The following PCDH17 variants were observed in gnomAD, a reference collection of about 807,000 sequenced individuals.
PCDH17 encodes the protein protocadherin 17, also known as protocadherin-17.
A neutral mutation model predicts 67.7 loss-of-function variants in PCDH17; 21 were observed. The observed-to-expected ratio is 0.31, with a 90% CI of 0.22 to 0.45. The LOEUF is 0.45. Ranked by LOEUF, PCDH17 falls within the 20% of genes least tolerant of loss-of-function variation. PCDH17 has a pLI of 1.00. For synonymous variants in PCDH17, 701 were observed against 656.7 expected, an observed-to-expected ratio of 1.07 and a Z score of -1.03; for missense variants, 1,471 against 1,564.8, an observed-to-expected ratio of 0.94 and a Z score of 1.01.
At chr13:57,691,524 C>T (rs1233851855) in intron 3 of PCDH17, among the ~76,000 whole-genome samples, 2 of 151,108 alleles carry the variant, frequency 1.3e-5, no homozygotes, top group Non-Finnish European at 3.0e-5. Flanking sequence ...AAGTATTATT[C>T]TATTTGCCTC....
At chr13:57,669,363 C>G (rs973195486) in intron 3 of PCDH17, among the ~76,000 whole-genome samples, 1 of 151,964 alleles carries the variant, frequency 6.6e-6, no homozygotes, top group Non-Finnish European at 1.5e-5. Flanking sequence ...CTCTCTCTCT[C>G]TATTTCTCCC....
At chr13:57,654,110 C>G (rs1955075473) in intron 1 of PCDH17, among the ~76,000 whole-genome samples, 1 of 152,130 alleles carries the variant, frequency 6.6e-6, no homozygotes, top group Middle Eastern at 3.4e-3. Context: ...CAGGAATGTG[C>G]AGAGTAAAAA....
chr13:57,667,993 A>G (rs1955276198), intron 3 of PCDH17, among the ~76,000 whole-genome samples: 2 of 151,278 alleles, frequency 1.3e-5, no homozygotes, highest in Admixed American at 1.3e-4. Flanking sequence ...TGACCTCAGA[A>G]AAAGCTGTTT....
chr13:57,718,276 G>A (rs1955840412), intron 3 of PCDH17, among the ~76,000 whole-genome samples: 1 of 151,694 alleles, frequency 6.6e-6, no homozygotes. Context: ...CTTGGAAGTA[G>A]GAAAAAAATT....
At position 57,716,374 on chromosome 13, in the gene PCDH17, CAA is replaced by C. The variant is rs914282578; in HGVS notation, c.2798-8237_2798-8236del. Among the ~76,000 whole-genome samples the C allele has an allele frequency of 1.5e-4, 23 of 152,024 alleles. 1 individual carries two copies. The highest frequency in any genetic ancestry group is 5.3e-4 in the African/African-American group (22 of 41,508). On this transcript the variant is annotated intron_variant, in intron 3 of 3. Transcript: ENST00000377918. ...GCAAATTTTCTCTACATTGTTATGT[CAA>C]GTGTTGCCATTGCAGCTTAAGTCCT... is the stretch of plus-strand genomic sequence containing the variant.
At chr13:57,723,032 T>C (rs1262476038) in intron 3 of PCDH17, among the ~76,000 whole-genome samples, 2 of 152,228 alleles carry the variant, frequency 1.3e-5, no homozygotes, top group Non-Finnish European at 2.9e-5. Context: ...TAACAGTCTT[T>C]CGATTTGTAG....
rs2137972835 is a variant in PCDH17, at chr13:57,634,764, T to C, written c.2218T>C (p.Tyr740His). 6.2e-7 allele frequency: 1 copy of C among 1,613,932 alleles called. No homozygotes were observed. Among genetic ancestry groups the C allele is most frequent in the Middle Eastern group, 1.6e-4 (1 of 6,062 alleles). Residue 740 changes from tyrosine (Y) to histidine (H), a missense_variant, in exon 1 of 4, where the codon TAC becomes CAC. Transcript: ENST00000377918. The surrounding 1 kb of genome is among the most constrained non-coding windows in gnomAD (Gnocchi z 7.8). Reference sequence around the variant, plus strand: ...GCGCGAGAACAAGGAGATCCGCACTTACAACTGCCGCATCGCCGAGTACAG... The same window carrying C: ...GCGCGAGAACAAGGAGATCCGCACTCACAACTGCCGCATCGCCGAGTACAG... ...CKRENKEIRTYNCRIAEYSHP... is the reference protein window; with the variant it reads ...CKRENKEIRTHNCRIAEYSHP...
Position 57,638,561 on chromosome 13 carries a change from C to T in PCDH17, c.2565+3450C>T, listed in dbSNP as rs529941765. Among the ~76,000 whole-genome samples, 3 of 152,198 alleles carry T rather than the reference C, an allele frequency of 2.0e-5. No individual in the cohort carries two copies. In the East Asian group the frequency reaches 5.8e-4, roughly 29 times the overall value. ...AATAAATTTTGAAAAGGAATACATT[C>T]TTACTCAGTGTTTTACAAATCAATT... On this transcript the variant is annotated intron_variant, in intron 1 of 3. Coordinates refer to ENST00000377918, the MANE Select transcript of PCDH17 (RefSeq NM_001040429.3).
chr13:57,642,701 G>T (rs1009984262), intron 1 of PCDH17, among the ~76,000 whole-genome samples: 1 of 151,126 alleles, frequency 6.6e-6, no homozygotes, highest in African/African-American at 2.4e-5. Flanking sequence ...AATTTTCATG[G>T]TCTCCAATTC....
chr13:57,658,150 T>C (rs1015967735), intron 1 of PCDH17, among the ~76,000 whole-genome samples: 4 of 152,192 alleles, frequency 2.6e-5, no homozygotes, highest in Non-Finnish European at 4.4e-5. Flanking sequence ...AATTTAAGTA[T>C]TATCTATTTA....
intron 3 of PCDH17, among the ~76,000 whole-genome samples, chr13:57,718,458 G>A (rs1406329076): frequency 6.6e-6 from 1 of 151,898 alleles, no homozygotes; most frequent in African/African-American, 2.4e-5. Context: ...CAATATACAA[G>A]TAAATGGGAC....
In PCDH17 at chr13:57,728,168, C is replaced by T. The variant is rs1955928343; in HGVS notation, c.*2874C>T. ...GAATTGAGGAAATCTCGCTTTTATT[C>T]ATTTAGCTGGCAACTGCCTTTATTG... On this transcript the variant is annotated 3_prime_UTR_variant, in exon 4 of 4. Coordinates refer to ENST00000377918, the MANE Select transcript of PCDH17 (RefSeq NM_001040429.3). 1 of 152,546 alleles carries T rather than the reference C, an allele frequency of 6.6e-6. No individual in the cohort carries two copies. Among genetic ancestry groups the T allele is most frequent in the African/African-American group, 2.4e-5 (1 of 41,444 alleles). The allele number at this position is 152,546 out of a possible 1,614,324, so 9.4% of individuals were successfully genotyped here.
At chr13:57,705,292 G>T (rs1955711614) in intron 3 of PCDH17, among the ~76,000 whole-genome samples, 1 of 151,786 alleles carries the variant, frequency 6.6e-6, no homozygotes, top group Non-Finnish European at 1.5e-5. Context: ...TATAATCAAT[G>T]CCTTTTAATA....
Position 57,666,544 on chromosome 13 carries a change from A to T in PCDH17, c.2624+18A>T, listed in dbSNP as rs747348788. The T allele has an allele frequency of 6.2e-7, 1 of 1,613,102 alleles. No homozygotes were observed. The highest frequency in any genetic ancestry group is 8.5e-7 in the Non-Finnish European group (1 of 1,179,222). On this transcript the variant is annotated intron_variant, in intron 2 of 3. Transcript: ENST00000377918. ...GTTCAAAGGTAAGGCCTATTAAATAACTTTTCTCAGCTTCCCCATTTGCAT... is the reference window on the plus strand; with the variant it reads ...GTTCAAAGGTAAGGCCTATTAAATATCTTTTCTCAGCTTCCCCATTTGCAT...
At chr13:57,648,756 T>C (rs1954998886) in intron 1 of PCDH17, among the ~76,000 whole-genome samples, 1 of 151,980 alleles carries the variant, frequency 6.6e-6, no homozygotes, top group African/African-American at 2.4e-5. Flanking sequence ...CTTACAACAT[T>C]CAATTACACT....
At chr13:57,671,266 T>C (rs1451329157) in intron 3 of PCDH17, among the ~76,000 whole-genome samples, 1 of 151,772 alleles carries the variant, frequency 6.6e-6, no homozygotes, top group African/African-American at 2.4e-5. Flanking sequence ...TTATTGTTTA[T>C]TTTAAAAATG....
intron 3 of PCDH17, among the ~76,000 whole-genome samples, chr13:57,695,883 G>A (rs941084600): frequency 3.3e-5 from 5 of 151,288 alleles, no homozygotes; most frequent in South Asian, 2.1e-4. Flanking sequence ...TGCTCTACCC[G>A]GGATATATTG....
intron 3 of PCDH17, among the ~76,000 whole-genome samples, chr13:57,696,344 A>G (rs1955608416): frequency 6.6e-6 from 1 of 151,416 alleles, no homozygotes; most frequent in African/African-American, 2.4e-5. Context: ...TTCTTATTTT[A>G]TAAATGTTCA....
intron 3 of PCDH17, among the ~76,000 whole-genome samples, chr13:57,712,586 C>A (rs1955786165): frequency 1.3e-5 from 2 of 151,556 alleles, no homozygotes; most frequent in Admixed American, 1.3e-4. Flanking sequence ...ATTCATCATA[C>A]ATCCATTTTT....
Sources: gnomAD v4.1 joint callset for allele counts (sites outside exome capture counted in the v4.1 genomes callset) on GRCh38, gnomAD v4.1.1 for gene constraint, Gnocchi (gnomAD v3.1) non-coding constraint, MANE v1.5 for transcripts, NCBI Gene and HGNC (gene_info 2026-07-23, HGNC 2026-07-21) for gene names.